The following RUNX2 variants were observed in gnomAD, a reference collection of about 807,000 sequenced individuals.
The protein encoded by RUNX2 is runt-related transcription factor 2.
A neutral mutation model predicts 51.7 loss-of-function variants in RUNX2; 10 were observed. The ratio of observed to expected loss-of-function variants is 0.19; its 90% confidence interval spans 0.12 to 0.33. The LOEUF (loss-of-function observed/expected upper bound fraction) is 0.33. RUNX2 is among the 10% of genes least tolerant of loss of function. The probability of loss-of-function intolerance (pLI) is 1.00; values close to 1 mark genes in which losing one functional copy is unlikely to be tolerated. For missense variants in RUNX2, 562 were observed against 691.3 expected, an observed-to-expected ratio of 0.81 and a Z score of 2.10; for synonymous variants, 276 against 273.6, an observed-to-expected ratio of 1.01 and a Z score of -0.09.
At chr6:45,385,692 GT>G (rs1322331681) in intron 2 of RUNX2, among the ~76,000 whole-genome samples, 1 of 152,172 alleles carries the variant, frequency 6.6e-6, no homozygotes, top group Non-Finnish European at 1.5e-5. Flanking sequence ...TTGAGGTCAG[GT>G]GTTCAAGACC....
chr6:45,535,468 G>A (rs1802001815), intron 7 of RUNX2, among the ~76,000 whole-genome samples: 1 of 152,082 alleles, frequency 6.6e-6, no homozygotes, highest in Non-Finnish European at 1.5e-5. Context: ...GCTGGGCGTG[G>A]TGGCGGGTGC....
chr6:45,372,724 T>C (rs1468597318), intron 2 of RUNX2, among the ~76,000 whole-genome samples: 2 of 152,074 alleles, frequency 1.3e-5, no homozygotes, highest in African/African-American at 4.8e-5. Context: ...AGTGGCACAA[T>C]CTCAGCTCAG....
chr6:45,346,687 C>CCTGA (rs776580315), intron 2 of RUNX2, among the ~76,000 whole-genome samples: 9 of 151,706 alleles, frequency 5.9e-5, no homozygotes, highest in Non-Finnish European at 1.2e-4. Context: ...CTTGCCTCTG[C>CCTGA]CTGACTAGCT....
intron 2 of RUNX2, among the ~76,000 whole-genome samples, chr6:45,392,076 C>T (rs1359955989): frequency 6.6e-6 from 1 of 152,120 alleles, no homozygotes; most frequent in African/African-American, 2.4e-5. Flanking sequence ...ATACATTTTC[C>T]TTGCTTGTAC....
At chr6:45,529,453 A>G (rs979442165) in intron 7 of RUNX2, among the ~76,000 whole-genome samples, 7 of 152,056 alleles carry the variant, frequency 4.6e-5, no homozygotes, top group African/African-American at 1.7e-4. Flanking sequence ...CAGAGCTCCA[A>G]AAACTTCATA....
intron 2 of RUNX2, among the ~76,000 whole-genome samples, chr6:45,354,633 A>G (rs1206928018): frequency 3.9e-5 from 1 of 25,322 alleles, no homozygotes; most frequent in African/African-American, 1.9e-4. Flanking sequence ...GCACACATAC[A>G]CACACACACA....
intron 3 of RUNX2, among the ~76,000 whole-genome samples, chr6:45,424,137 G>T (rs1267810694): frequency 1.3e-5 from 2 of 152,350 alleles, no homozygotes; most frequent in Non-Finnish European, 2.9e-5. Flanking sequence ...TCTTGTGCCT[G>T]CCCGGCCCGT....
intron 2 of RUNX2, among the ~76,000 whole-genome samples, chr6:45,332,373 AG>A (rs1418176796): frequency 6.6e-6 from 1 of 151,836 alleles, no homozygotes; most frequent in Non-Finnish European, 1.5e-5. Context: ...AAAAAGGAAA[AG>A]GTAAGTATTC....
Position 45,502,717 on chromosome 6 carries a change from G to C in RUNX2, c.860-9529G>C, listed in dbSNP as rs147355593. On this transcript the variant is annotated intron_variant, in intron 6 of 8. Coordinates refer to ENST00000647337, the MANE Select transcript of RUNX2 (RefSeq NM_001024630.4). The stretch of plus-strand genomic sequence containing the variant: ...TCTCCACACCCTTTCCTGCACGCCT[G>C]GTCCTAGACTGGACTTCTGCCCTGT... Among the ~76,000 whole-genome samples the C allele has an allele frequency of 2.5e-3, 376 of 152,270 alleles. 2 individuals carry two copies. The highest frequency in any genetic ancestry group is 8.1e-3 in the African/African-American group (336 of 41,542).
chr6:45,374,635 G>A (rs562307461), intron 2 of RUNX2, among the ~76,000 whole-genome samples: 9 of 151,962 alleles, frequency 5.9e-5, no homozygotes, highest in South Asian at 4.2e-4. Context: ...GATTTCTGAC[G>A]GATTTCACTA....
At chr6:45,432,080 T>C in intron 4 of RUNX2, 61 bp downstream of exon 4, 2 of 1,481,406 alleles carry the variant, frequency 1.4e-6, no homozygotes, top group South Asian at 2.3e-5. Flanking sequence ...TTTGATGAAA[T>C]GTAGACTAGT....
intron 2 of RUNX2, among the ~76,000 whole-genome samples, chr6:45,360,919 T>C (rs1451012886): frequency 6.6e-6 from 1 of 152,198 alleles, no homozygotes; most frequent in East Asian, 1.9e-4. Flanking sequence ...TCTCCTTCTC[T>C]ACTGCTAGAC....
At chr6:45,511,399 A>C (rs1295008917) in intron 6 of RUNX2, among the ~76,000 whole-genome samples, 1 of 152,216 alleles carries the variant, frequency 6.6e-6, no homozygotes, top group Non-Finnish European at 1.5e-5. Context: ...AACAGATTCC[A>C]GTAGGATTAA....
intron 5 of RUNX2, among the ~76,000 whole-genome samples, chr6:45,458,185 C>G (rs145649265): frequency 6.6e-6 from 1 of 152,054 alleles, no homozygotes; most frequent in Non-Finnish European, 1.5e-5. Context: ...TGCCACCATG[C>G]CTGGCTAATT....
intron 7 of RUNX2, among the ~76,000 whole-genome samples, chr6:45,533,377 T>C (rs1013153519): frequency 1.3e-5 from 2 of 152,220 alleles, no homozygotes; most frequent in South Asian, 2.1e-4. Flanking sequence ...TAAGATGTGT[T>C]TGTTTTTGTT....
At chr6:45,428,956 C>CTCAGTTGAAGT (rs1280211363) in intron 3 of RUNX2, among the ~76,000 whole-genome samples, 16 of 151,114 alleles carry the variant, frequency 1.1e-4, no homozygotes, top group Admixed American at 2.6e-4. Context: ...GAAGTACGTA[C>CTCAGTTGAAGT]TCAGTTGAAC....
At chr6:45,340,473 AC>A (rs1477815977) in intron 2 of RUNX2, among the ~76,000 whole-genome samples, 5 of 151,858 alleles carry the variant, frequency 3.3e-5, no homozygotes, top group Non-Finnish European at 7.4e-5. Context: ...ACAGGCACGC[AC>A]CACCACGCCC....
At chr6:45,334,557 GAAT>G (rs1788169780) in intron 2 of RUNX2, among the ~76,000 whole-genome samples, 1 of 149,542 alleles carries the variant, frequency 6.7e-6, no homozygotes, top group Non-Finnish European at 1.5e-5. Flanking sequence ...AGAAATATCA[GAAT>G]AATAACGTGA....
chr6:45,330,708 T>C (rs950385074), intron 2 of RUNX2, among the ~76,000 whole-genome samples: 18 of 152,050 alleles, frequency 1.2e-4, no homozygotes, highest in African/African-American at 4.3e-4. Context: ...AAGCAAGGCA[T>C]GGTAGTGAAC....
Sources: allele counts gnomAD v4.1 joint callset (sites outside exome capture counted in the v4.1 genomes callset), GRCh38; gene constraint gnomAD v4.1.1; transcripts MANE v1.5; gene names NCBI Gene and HGNC (gene_info 2026-07-23, HGNC 2026-07-21).